AMMECR1: variants seen among roughly 807,000 people sequenced by gnomAD.
The protein encoded by AMMECR1 is AMMECR nuclear protein 1.
AMMECR1 carries 3 observed loss-of-function variants against 22.5 expected under a neutral mutation model. The ratio of observed to expected loss-of-function variants is 0.13; its 90% CI spans 0.06 to 0.35. AMMECR1 has a LOEUF of 0.35. Among genes scored for constraint, AMMECR1 ranks in the 10% least tolerant of loss-of-function variants. AMMECR1 has a pLI of 1.00. For missense variants in AMMECR1, 235 were observed against 278.7 expected, an observed-to-expected ratio of 0.84 and a Z score of 1.12; for synonymous variants, 130 against 116.7, an observed-to-expected ratio of 1.11 and a Z score of -0.74.
At chrX:110,294,314 C>T (rs1223104238) in intron 1 of AMMECR1, among the ~76,000 whole-genome samples, 1 of 111,914 alleles carries the variant, frequency 8.9e-6, no homozygotes, top group East Asian at 2.8e-4. Context: ...CAATCATGTA[C>T]AGCTTACATC....
intron 2 of AMMECR1, among the ~76,000 whole-genome samples, chrX:110,331,029 C>A (rs2068118880): frequency 9.1e-6 from 1 of 109,976 alleles, no homozygotes; most frequent in Non-Finnish European, 1.9e-5. Flanking sequence ...TCCTATCAGA[C>A]CTCTACTCTG....
At chrX:110,240,584 T>C (rs2067626974) in intron 2 of AMMECR1, among the ~76,000 whole-genome samples, 1 of 104,374 alleles carries the variant, frequency 9.6e-6, no homozygotes, top group African/African-American at 3.5e-5. Flanking sequence ...ATAAAGCAAG[T>C]CCTTAGAGAC....
chrX:110,249,698 G>A (rs1236612405), intron 2 of AMMECR1, among the ~76,000 whole-genome samples: 3 of 111,969 alleles, frequency 2.7e-5, no homozygotes, highest in Admixed American at 9.5e-5. Context: ...TCAAGAGATC[G>A]AGACTATCCT....
intron 1 of AMMECR1, among the ~76,000 whole-genome samples, chrX:110,275,851 A>T (rs751393191): frequency 3.9e-4 from 43 of 111,624 alleles, no homozygotes; most frequent in African/African-American, 1.3e-3. Flanking sequence ...AAATAAATAA[A>T]TAATTAAAAA....
intron 2 of AMMECR1, among the ~76,000 whole-genome samples, chrX:110,217,502 T>TACACACACACACACACACACAC (rs759487797): frequency 7.9e-5 from 7 of 88,566 alleles, no homozygotes; most frequent in African/African-American, 2.8e-4. Context: ...GAATAGAAAA[T>TACACACACACACACACACACAC]ACACACACAC....
chrX:110,278,735 A>G (rs1352271147), intron 1 of AMMECR1, among the ~76,000 whole-genome samples: 3 of 112,184 alleles, frequency 2.7e-5, no homozygotes, highest in African/African-American at 9.7e-5. Context: ...TGCTAGGTAC[A>G]TGACAGAAGA....
At chrX:110,301,982 G>A (rs1602875671) in intron 1 of AMMECR1, among the ~76,000 whole-genome samples, 1 of 111,599 alleles carries the variant, frequency 9.0e-6, no homozygotes, top group East Asian at 2.8e-4. Context: ...ATCTTCCATG[G>A]GAATGGAATC....
chrX:110,401,594 G>T (rs1416121046), intron 2 of AMMECR1, among the ~76,000 whole-genome samples: 1 of 111,597 alleles, frequency 9.0e-6, no homozygotes, highest in East Asian at 2.8e-4. Context: ...AAGGGGAAGG[G>T]GTTGTCTGGG....
intron 2 of AMMECR1, among the ~76,000 whole-genome samples, chrX:110,223,255 A>G (rs897386819): frequency 8.9e-6 from 1 of 112,706 alleles, no homozygotes; most frequent in Non-Finnish European, 1.9e-5. Context: ...CAGAGTTTCT[A>G]GATTTACTCT....
chrX:110,335,348 A>G lies in AMMECR1; in HGVS notation c.-147-17499T>C, dbSNP rs1425132340. The stretch of plus-strand genomic sequence containing the variant: ...AGTCAGACGATCACTAGGAAATGCC[A>G]TCTGGGAAAAAAATGCCATGTAGTT... On this transcript the variant is annotated intron_variant, in intron 2 of 7. Coordinates refer to the AMMECR1 transcript ENST00000372057. Among the ~76,000 whole-genome samples the G allele has an allele frequency of 1.8e-5, 2 of 111,336 alleles. 1 individual carries two copies. Among genetic ancestry groups the G allele is most frequent in the Middle Eastern group, 8.5e-3 (2 of 236 alleles).
chrX:110,393,848 G>C (rs2068511292), intron 2 of AMMECR1, among the ~76,000 whole-genome samples: 1 of 112,641 alleles, frequency 8.9e-6, no homozygotes. Context: ...CCGGCCACCT[G>C]TGACCCTGAA....
intron 1 of AMMECR1, chrX:110,309,198 C>T (rs1424287760): frequency 9.0e-6 from 1 of 111,611 alleles, no homozygotes; most frequent in Non-Finnish European, 1.9e-5. Context: ...GCTGTGGGAC[C>T]CCTAGGCTAA....
At chrX:110,382,244 C>T (rs1481201060) in intron 2 of AMMECR1, among the ~76,000 whole-genome samples, 1 of 109,926 alleles carries the variant, frequency 9.1e-6, no homozygotes, top group Non-Finnish European at 1.9e-5. Context: ...TAATTATATA[C>T]AAGTCTGGGA....
At chrX:110,271,010 G>A (rs2067795567) in intron 1 of AMMECR1, among the ~76,000 whole-genome samples, 1 of 112,004 alleles carries the variant, frequency 8.9e-6, no homozygotes, top group Non-Finnish European at 1.9e-5. Context: ...CAAATTGAGA[G>A]GAATGGAGAG....
chrX:110,390,926 T>C (rs1341379894), intron 2 of AMMECR1, among the ~76,000 whole-genome samples: 1 of 111,901 alleles, frequency 8.9e-6, no homozygotes, highest in Non-Finnish European at 1.9e-5. Context: ...AGCTGGTTGC[T>C]ACCCTCTCAT....
chrX:110,314,775 T>C (rs1283493540), intron 1 of AMMECR1, among the ~76,000 whole-genome samples: 2 of 112,183 alleles, frequency 1.8e-5, no homozygotes, highest in Admixed American at 1.9e-4. Flanking sequence ...CTTTCTGCAA[T>C]TGGGTAGGTA....
intron 2 of AMMECR1, among the ~76,000 whole-genome samples, chrX:110,366,200 T>A (rs999676810): frequency 5.4e-5 from 6 of 112,004 alleles, no homozygotes; most frequent in African/African-American, 1.9e-4. Context: ...TCTCAAAATG[T>A]ATTCCATGGA....
chrX:110,404,620 G>A (rs2068585938), intron 2 of AMMECR1, among the ~76,000 whole-genome samples: 1 of 111,602 alleles, frequency 9.0e-6, no homozygotes, highest in South Asian at 3.8e-4. Context: ...TGATAATTAC[G>A]GTACCTCAGC....
intron 1 of AMMECR1, among the ~76,000 whole-genome samples, chrX:110,307,938 C>T (rs1269704636): frequency 1.0e-5 from 1 of 99,333 alleles, no homozygotes; most frequent in African/African-American, 3.8e-5. Context: ...GGTGTGATCA[C>T]GGCTCACTGC....
Sources: allele counts gnomAD v4.1 joint callset (sites outside exome capture counted in the v4.1 genomes callset), GRCh38; gene constraint gnomAD v4.1.1; transcripts MANE v1.5; gene names NCBI Gene and HGNC (gene_info 2026-07-23, HGNC 2026-07-21).